Variants in ABHD12 observed in about 807,000 individuals in gnomAD.
ABHD12 encodes lysophosphatidylserine lipase ABHD12.
In ABHD12, 43 loss-of-function variants were observed where a neutral mutation model predicts 58.3. The ratio of observed to expected loss-of-function variants is 0.74; its 90% confidence interval spans 0.58 to 0.95. The LOEUF is 0.95. Ranked by LOEUF, ABHD12 falls within the 40% of genes least tolerant of loss-of-function variation. The pLI, the probability that ABHD12 is intolerant of heterozygous loss-of-function variation, is 0.00. For missense variants in ABHD12, 539 were observed against 537.2 expected, an observed-to-expected ratio of 1.00 and a Z score of -0.03; for synonymous variants, 219 against 211.2, an observed-to-expected ratio of 1.04 and a Z score of -0.32.
In ABHD12 at chr20:25,302,295, A is replaced by G; in HGVS notation, c.1081T>C (p.Phe361Leu). 6.2e-7 allele frequency: 1 copy of G among 1,613,818 alleles called. No homozygotes were observed. The highest frequency in any genetic ancestry group is 1.1e-5 in the South Asian group (1 of 91,058). ...CCAAGGTCTGAATGAAAGGGCACAA[A>G]CTGAACTTTGAAATCTCGGAAGCTT... ...ARSFRDFKVQ[F>L]VPFHSDLGYR... Residue 361 changes from phenylalanine to leucine, a missense_variant, in exon 12 of 13, where the codon TTT becomes CTT. Phe to Leu is a conservative substitution (Grantham distance 22). Transcript: ENST00000339157.
intron 1 of ABHD12, among the ~76,000 whole-genome samples, chr20:25,340,034 A>C (rs1305892423): frequency 6.6e-6 from 1 of 152,138 alleles, no homozygotes; most frequent in East Asian, 1.9e-4. Flanking sequence ...TTTCAAAACT[A>C]TCTCTAACCC....
intron 5 of ABHD12, 45 bp from the exon 6 acceptor site, chr20:25,315,015 C>T: frequency 1.9e-6 from 3 of 1,606,506 alleles, no homozygotes; most frequent in Non-Finnish European, 2.6e-6. Context: ...ATCCAAGCAT[C>T]TGTATTGAGG....
downstream of ABHD12, chr20:25,296,249 C>A: frequency 8.1e-7 from 1 of 1,237,308 alleles, no homozygotes; most frequent in Non-Finnish European, 1.2e-6. Context: ...CCTCCTCTTC[C>A]AGCGGATGGC....
intron 1 of ABHD12, among the ~76,000 whole-genome samples, chr20:25,385,152 A>G (rs1314433518): frequency 6.6e-6 from 1 of 152,110 alleles, no homozygotes; most frequent in East Asian, 1.9e-4. Context: ...AGCCTGACCA[A>G]CATGGAGAAA....
chr20:25,342,103 C>CAAAAAAA (rs11476197), intron 1 of ABHD12, among the ~76,000 whole-genome samples: 2 of 69,800 alleles, frequency 2.9e-5, no homozygotes, highest in Non-Finnish European at 5.7e-5. Context: ...AACTCTGTCT[C>CAAAAAAA]AAAAAAAAAA....
Position 25,300,891 on chromosome 20 carries a change from C to G in ABHD12, c.1158-7G>C. On this transcript the variant is annotated splice_region_variant and splice_polypyrimidine_tract_variant and intron_variant, in intron 12 of 12. Transcript: ENST00000339157. ...CGACTTCCCCAGGAATTCCCTAGAC[C>G]ACAGGACAATCAGGAGCCAATCATT... is the stretch of plus-strand genomic sequence containing the variant. The G allele has an allele frequency of 6.2e-7, 1 of 1,613,734 alleles. No individual in the cohort carries two copies. Among genetic ancestry groups the G allele is most frequent in the Non-Finnish European group, 8.5e-7 (1 of 1,179,780 alleles).
At chr20:25,324,189 C>T (rs1407306455) in intron 2 of ABHD12, among the ~76,000 whole-genome samples, 4 of 152,146 alleles carry the variant, frequency 2.6e-5, no homozygotes, top group African/African-American at 4.8e-5. Flanking sequence ...CCAGGACCTG[C>T]GGGCAGATGA....
chr20:25,373,177 G>A (rs531005237), intron 1 of ABHD12, among the ~76,000 whole-genome samples: 4 of 152,260 alleles, frequency 2.6e-5, no homozygotes, highest in Admixed American at 6.5e-5. Flanking sequence ...ACACCACATT[G>A]CTCAGAAGGT....
chr20:25,363,453 G>A (rs74173675), intron 1 of ABHD12, among the ~76,000 whole-genome samples: 4,512 of 151,876 alleles, frequency 0.03, 87 homozygotes, highest in South Asian at 0.059. Context: ...TCCTGACCTC[G>A]TGATCCACTC....
intron 2 of ABHD12, among the ~76,000 whole-genome samples, chr20:25,328,390 C>G (rs1179565486): frequency 6.6e-6 from 1 of 152,172 alleles, no homozygotes; most frequent in Non-Finnish European, 1.5e-5. Flanking sequence ...ATATCCACAC[C>G]TGGGGCCCAG....
At chr20:25,343,630 CCT>C (rs1195332544) in intron 1 of ABHD12, among the ~76,000 whole-genome samples, 1 of 152,126 alleles carries the variant, frequency 6.6e-6, no homozygotes, top group African/African-American at 2.4e-5. Flanking sequence ...ATGGGGAAAT[CCT>C]GTCTCTACTG....
At chr20:25,306,758 G>T (rs775577025) in intron 10 of ABHD12, 75 bp downstream of exon 10, 11 of 1,013,870 alleles carry the variant, frequency 1.1e-5, no homozygotes, top group East Asian at 2.6e-5. Context: ...TGATTACTGT[G>T]ACTAAAGAGG....
intron 1 of ABHD12, among the ~76,000 whole-genome samples, chr20:25,364,266 C>T (rs908910970): frequency 5.3e-5 from 8 of 152,138 alleles, no homozygotes; most frequent in African/African-American, 1.9e-4. Flanking sequence ...TGCCTTAGTC[C>T]ATTTTTGTGT....
At chr20:25,361,325 CTG>C (rs1348402670) in intron 1 of ABHD12, among the ~76,000 whole-genome samples, 3 of 152,220 alleles carry the variant, frequency 2.0e-5, no homozygotes, top group Admixed American at 6.5e-5. Flanking sequence ...TAAAAACAAA[CTG>C]TATCTTTCCA....
intron 1 of ABHD12, 36 bp downstream of exon 1, chr20:25,390,477 G>GCCCCCCCCCCCCCCCCCCCCCCCCCC: frequency 1.0e-5 from 1 of 98,528 alleles, no homozygotes; most frequent in Non-Finnish European, 1.3e-5. Flanking sequence ...TGAGGGACCG[G>GCCCCCCCCCCCCCCCCCCCCCCCCCC]CCCCCCCCCC....
At chr20:25,298,486 C>T (rs1023915357), downstream of ABHD12, among the ~76,000 whole-genome samples, 12 of 152,110 alleles carry the variant, frequency 7.9e-5, no homozygotes, top group Middle Eastern at 9.5e-3. Flanking sequence ...AACTCCTGAC[C>T]TCAGGTGATC....
intron 2 of ABHD12, among the ~76,000 whole-genome samples, chr20:25,325,838 A>C (rs1397964616): frequency 1.3e-5 from 2 of 150,156 alleles, no homozygotes; most frequent in African/African-American, 4.8e-5. Context: ...TGGGAGGCCG[A>C]GGCAGGTGGA....
At chr20:25,353,225 G>A (rs2482929) in intron 1 of ABHD12, among the ~76,000 whole-genome samples, 4,120 of 149,864 alleles carry the variant, frequency 0.027, 180 homozygotes, top group African/African-American at 0.091. Flanking sequence ...AAATTCTAGA[G>A]CTGAGGGCAA....
intron 6 of ABHD12, among the ~76,000 whole-genome samples, chr20:25,314,236 G>T (rs111252208): frequency 0.017 from 2,619 of 152,250 alleles, 39 homozygotes; most frequent in Middle Eastern, 0.051. Flanking sequence ...GCCTCCCAAA[G>T]TGCTGGGATT....
Sources: allele counts gnomAD v4.1 joint callset (sites outside exome capture counted in the v4.1 genomes callset), GRCh38; gene constraint gnomAD v4.1.1; transcripts MANE v1.5; gene names NCBI Gene and HGNC (gene_info 2026-07-23, HGNC 2026-07-21).